The following ANK3 variants were observed in gnomAD, a reference collection of about 807,000 sequenced individuals.
ANK3 encodes the protein ankyrin 3, also known as ankyrin-3.
Under a neutral mutation model 370.9 loss-of-function variants are expected in ANK3, and 57 were observed. That is an observed-to-expected ratio of 0.15 (90% CI 0.12 to 0.19). The LOEUF is 0.19. ANK3 is among the 10% of genes least tolerant of loss of function. ANK3 has a pLI of 1.00. For missense variants in ANK3, 4,439 were observed against 5,302.1 expected, an observed-to-expected ratio of 0.84 and a Z score of 5.06; for synonymous variants, 1,929 against 1,946.3, an observed-to-expected ratio of 0.99 and a Z score of 0.23.
chr10:60,135,980 G>A (rs185677507), intron 24 of ANK3, among the ~76,000 whole-genome samples: 3 of 151,506 alleles, frequency 2.0e-5, no homozygotes, highest in African/African-American at 7.3e-5. Context: ...CTTACTAAAA[G>A]ACCATTATAA....
chr10:60,153,380 T>C, intron 23 of ANK3, among the ~76,000 whole-genome samples: 1 of 151,710 alleles, frequency 6.6e-6, no homozygotes, highest in East Asian at 1.9e-4. Context: ...GTGGTGAAAA[T>C]GGAGATGGAG....
intron 2 of ANK3, among the ~76,000 whole-genome samples, chr10:60,400,011 T>A (rs796646397): frequency 0.077 from 409 of 5,280 alleles, 1 homozygote; most frequent in Middle Eastern, 0.5. Flanking sequence ...TCCAATACAG[T>A]GTGTGTGTGT....
intron 1 of ANK3, among the ~76,000 whole-genome samples, chr10:60,658,464 C>T (rs985917107): frequency 1.3e-5 from 2 of 151,956 alleles, no homozygotes; most frequent in East Asian, 3.9e-4. Flanking sequence ...TGGCATATTT[C>T]TACTGACCTC....
chr10:60,145,968 T>C, intron 23 of ANK3: 1 of 884,892 alleles, frequency 1.1e-6, no homozygotes. Flanking sequence ...GGAGACTTAC[T>C]TTTCACCGTA....
At chr10:60,239,744 A>G (rs760062060) in intron 7 of ANK3, among the ~76,000 whole-genome samples, 1 of 152,140 alleles carries the variant, frequency 6.6e-6, no homozygotes, top group Non-Finnish European at 1.5e-5. Context: ...CAAAGTAAAG[A>G]CAAAAACAAC....
intron 1 of ANK3, among the ~76,000 whole-genome samples, chr10:60,619,729 ACAGT>A (rs1451221922): frequency 1.3e-5 from 2 of 152,204 alleles, no homozygotes; most frequent in Non-Finnish European, 2.9e-5. Context: ...CTGGAGTTAC[ACAGT>A]CAGTAATGGA....
chr10:60,088,883 A>G (rs1255349882), intron 28 of ANK3, among the ~76,000 whole-genome samples: 1 of 152,230 alleles, frequency 6.6e-6, no homozygotes, highest in African/African-American at 2.4e-5. Flanking sequence ...ACAGAGTGGG[A>G]ACAAACATTT....
At chr10:60,535,286 C>G (rs112399263) in intron 2 of ANK3, among the ~76,000 whole-genome samples, 1 of 152,014 alleles carries the variant, frequency 6.6e-6, no homozygotes, top group African/African-American at 2.4e-5. Flanking sequence ...TGAGCCACAT[C>G]CAGAAAGGGA....
chr10:60,647,482 A>T (rs1009577636), intron 1 of ANK3, among the ~76,000 whole-genome samples: 10 of 152,208 alleles, frequency 6.6e-5, no homozygotes, highest in Admixed American at 3.9e-4. Context: ...TTGACGATTT[A>T]CTGGGACAGT....
chr10:60,543,814 C>T (rs1595244576), intron 2 of ANK3, among the ~76,000 whole-genome samples: 1 of 152,106 alleles, frequency 6.6e-6, no homozygotes, highest in African/African-American at 2.4e-5. Flanking sequence ...TTGTCAAAAC[C>T]TTCAAAGTTT....
At chr10:60,722,327 C>T (rs186423755) in intron 1 of ANK3, among the ~76,000 whole-genome samples, 2 of 152,126 alleles carry the variant, frequency 1.3e-5, no homozygotes, top group East Asian at 3.9e-4. Context: ...ACCTGTAGTG[C>T]CACCAGCTCA....
intron 12 of ANK3, among the ~76,000 whole-genome samples, chr10:60,200,497 G>C (rs1248804882): frequency 6.6e-6 from 1 of 152,116 alleles, no homozygotes; most frequent in East Asian, 1.9e-4. Context: ...CTCAGGGCTG[G>C]AAAGGTCAGT....
chr10:60,379,198 A>G (rs2132822358), intron 1 of ANK3, among the ~76,000 whole-genome samples: 1 of 152,232 alleles, frequency 6.6e-6, no homozygotes, highest in South Asian at 2.1e-4. Flanking sequence ...AAAGACAAAA[A>G]AATAAAAATA....
At chr10:60,379,152 G>T (rs1371586646) in intron 1 of ANK3, among the ~76,000 whole-genome samples, 1 of 151,582 alleles carries the variant, frequency 6.6e-6, no homozygotes, top group East Asian at 1.9e-4. Context: ...CCACAATGAG[G>T]TATCATCTCA....
rs1455716664 is a variant in ANK3, at chr10:60,201,086, G to T, written c.1393-859C>A. On this transcript the variant is annotated intron_variant, in intron 12 of 43. Coordinates refer to ENST00000280772, the MANE Select transcript of ANK3 (RefSeq NM_020987.5). Reference sequence around the variant, plus strand: ...AAACTGCCTTTATAAATTGGTCTTTGCTTTATAGGCCACCTACTTCCATGG... The same window carrying T: ...AAACTGCCTTTATAAATTGGTCTTTTCTTTATAGGCCACCTACTTCCATGG... 4.6e-5 allele frequency among the ~76,000 whole-genome samples: 7 copies of T among 152,232 alleles called. No individual in the cohort carries two copies. In the East Asian group the frequency reaches 1.3e-3, roughly 29 times the overall value.
rs1403209771 is a variant in ANK3 at position 60,138,851 on chromosome 10, A to G, written c.2738+113T>C. 19 of 1,404,944 alleles carry G rather than the reference A, an allele frequency of 1.4e-5. No individual in the cohort carries two copies. In the South Asian group the frequency reaches 2.0e-4, roughly 15 times the overall value. 87.0% of individuals were successfully genotyped at this position (1,404,944 alleles called of 1,614,324 possible). A position where few individuals can be genotyped will look rare whatever the true frequency, so the allele number is the denominator to read the frequency against. Reference sequence around the variant, plus strand: ...GTCGAGAACATTTCGCTAAATTCACATCTTCATCCAAAGAACACATTTTGG... The same window carrying G: ...GTCGAGAACATTTCGCTAAATTCACGTCTTCATCCAAAGAACACATTTTGG... On this transcript the variant is annotated intron_variant, in intron 24 of 43. Coordinates refer to ENST00000280772, the MANE Select transcript of ANK3 (RefSeq NM_020987.5).
At chr10:60,417,142 C>T (rs915090949) in intron 2 of ANK3, among the ~76,000 whole-genome samples, 1 of 152,156 alleles carries the variant, frequency 6.6e-6, no homozygotes, top group South Asian at 2.1e-4. Flanking sequence ...CTGCACAGTG[C>T]TGAACTGACA....
intron 1 of ANK3, among the ~76,000 whole-genome samples, chr10:60,376,767 G>A (rs971998251): frequency 3.3e-5 from 5 of 152,158 alleles, no homozygotes; most frequent in Admixed American, 6.5e-5. Context: ...CTTTTGAAAC[G>A]AATCAGACTG....
intron 1 of ANK3, among the ~76,000 whole-genome samples, chr10:60,315,417 C>A (rs941760131): frequency 6.6e-6 from 1 of 151,960 alleles, no homozygotes; most frequent in Non-Finnish European, 1.5e-5. Context: ...ATGCAATGAC[C>A]CTTCCAAGAA....
Sources: allele counts gnomAD v4.1 joint callset (sites outside exome capture counted in the v4.1 genomes callset), GRCh38; gene constraint gnomAD v4.1.1; transcripts MANE v1.5; gene names NCBI Gene and HGNC (gene_info 2026-07-23, HGNC 2026-07-21).